ZKSCAN1: variants seen among roughly 807,000 people sequenced by gnomAD.
ZKSCAN1 encodes the protein zinc finger protein with KRAB and SCAN domains 1.
In ZKSCAN1, 14 loss-of-function variants were observed where a neutral mutation model predicts 51.6. That is an observed-to-expected ratio of 0.27 (90% CI 0.18 to 0.42). ZKSCAN1 has a LOEUF of 0.42. Ranked by LOEUF, ZKSCAN1 falls within the 10% of genes least tolerant of loss-of-function variation. The pLI, the probability that ZKSCAN1 is intolerant of heterozygous loss-of-function variation, is 1.00. For missense variants in ZKSCAN1, 531 were observed against 710.0 expected (o/e 0.75, Z 2.86); for synonymous variants, 263 against 261.5 (o/e 1.01, Z -0.06).
Position 100,037,148 on chromosome 7 carries a change from G to A in ZKSCAN1, c.*2951G>A, listed in dbSNP as rs560002894. 1.8e-5 allele frequency: 18 copies of A among 985,318 alleles called. No homozygotes were observed. The African/African-American group carries it at 3.0e-4, about 16-fold the overall frequency. The allele number at this position is 985,318 out of a possible 1,614,324, so 61.0% of individuals were successfully genotyped here. ...GTGTAATTGGGTCATGGTCAAAAAC[G>A]CTTGCAACATCTAATTGGCGTTCAA... is the stretch of plus-strand genomic sequence containing the variant. On this transcript the variant is annotated 3_prime_UTR_variant, in exon 6 of 6. Coordinates refer to ENST00000324306, the MANE Select transcript of ZKSCAN1 (RefSeq NM_003439.4).
At chr7:100,020,394 T>C (rs907971073) in intron 1 of ZKSCAN1, among the ~76,000 whole-genome samples, 8 of 152,052 alleles carry the variant, frequency 5.3e-5, no homozygotes, top group African/African-American at 1.9e-4. Flanking sequence ...CTGGAAAGTA[T>C]TAACTGCAAG....
Position 100,029,855 on chromosome 7 carries a change from C to T in ZKSCAN1, c.581-6C>T. The stretch of plus-strand genomic sequence containing the variant: ...ATTTACTCACAGACCCTTTCTCCTC[C>T]CCCAGCTCTTCCTGCTGCCCACATT... On this transcript the variant is annotated splice_polypyrimidine_tract_variant and splice_region_variant and intron_variant, in intron 3 of 5. Transcript: ENST00000324306. 1 of 1,613,904 alleles carries T rather than the reference C, an allele frequency of 6.2e-7. No homozygotes were observed. The highest frequency in any genetic ancestry group is 1.1e-5 in the South Asian group (1 of 91,052).
In ZKSCAN1 at chr7:100,037,110, T is replaced by C; in HGVS notation, c.*2913T>C. On this transcript the variant is annotated 3_prime_UTR_variant, in exon 6 of 6. Transcript: ENST00000324306. ...ACTTGCAGTGCATTCGTTTATCAGA[T>C]GCTCAGTGCAAAGTGTAATTGGGTC... is the stretch of plus-strand genomic sequence containing the variant. 4.1e-6 allele frequency: 4 copies of C among 985,464 alleles called. No homozygotes were observed. Among genetic ancestry groups the C allele is most frequent in the Non-Finnish European group, 3.6e-6 (3 of 829,934 alleles). 61.0% of individuals were successfully genotyped at this position (985,464 alleles called of 1,614,324 possible).
chr7:100,032,582 C>T (rs182490187), intron 5 of ZKSCAN1, among the ~76,000 whole-genome samples: 43 of 152,274 alleles, frequency 2.8e-4, no homozygotes, highest in East Asian at 5.8e-4. Flanking sequence ...GAAGTCAGGC[C>T]GGGTGCAGTG....
Position 100,033,379 on chromosome 7 carries a change from G to C in ZKSCAN1, c.874G>C (p.Glu292Gln). The change falls in exon 6 of 6, where the codon GAG (glutamate) becomes CAG (glutamine). Residue 292 changes from glutamate to glutamine, a missense_variant. Transcript: ENST00000324306. The surrounding 1 kb of genome is among the most constrained non-coding windows in gnomAD (Gnocchi z 4.1). Reference sequence around the variant, plus strand: ...CTCGGAAGATTCAGCATCACGCGGGGAGACAACAGGAAGATCCCAGAAAGA... The same window carrying C: ...CTCGGAAGATTCAGCATCACGCGGGCAGACAACAGGAAGATCCCAGAAAGA... ...ETSEDSASRG[E>Q]TTGRSQKEFG... The C allele has an allele frequency of 1.9e-6, 3 of 1,614,110 alleles. No homozygotes were observed. In the East Asian group the frequency reaches 6.7e-5, roughly 36 times the overall value.
downstream of ZKSCAN1, among the ~76,000 whole-genome samples, chr7:100,042,937 A>G (rs1791636827): frequency 6.6e-6 from 1 of 151,418 alleles, no homozygotes; most frequent in Non-Finnish European, 1.5e-5. Context: ...AGCTGGGACT[A>G]CAGGCGCCCG....
intron 1 of ZKSCAN1, among the ~76,000 whole-genome samples, chr7:100,019,777 C>T (rs1412791761): frequency 6.6e-6 from 1 of 152,100 alleles, no homozygotes; most frequent in Non-Finnish European, 1.5e-5. Flanking sequence ...TCTCAGCTCA[C>T]TGCAGCCTCC....
chr7:100,031,875 A>G (rs1485906452), intron 5 of ZKSCAN1, among the ~76,000 whole-genome samples: 1 of 152,166 alleles, frequency 6.6e-6, no homozygotes. Flanking sequence ...CCAGGAGTTC[A>G]GGACCAGCAT....
intron 3 of ZKSCAN1, chr7:100,024,859 C>T (rs1271180813): frequency 1.4e-5 from 2 of 140,082 alleles, no homozygotes; most frequent in African/African-American, 5.5e-5. Flanking sequence ...GAGATCGTAC[C>T]ACTGTGCTCT....
At chr7:100,024,818 T>G (rs62484983) in intron 3 of ZKSCAN1, 214 of 151,316 alleles carry the variant, frequency 1.4e-3, no homozygotes, top group Non-Finnish European at 2.4e-3. Flanking sequence ...GAGAATCACT[T>G]GAACCCAGGA....
intron 5 of ZKSCAN1, among the ~76,000 whole-genome samples, chr7:100,031,940 G>A (rs1022262831): frequency 6.6e-6 from 1 of 152,148 alleles, no homozygotes; most frequent in Non-Finnish European, 1.5e-5. Flanking sequence ...TTAGCCAGGC[G>A]GGGTGGTGCA....
At position 100,036,971 on chromosome 7, in the gene ZKSCAN1, T is replaced by C. The variant is rs894927574; in HGVS notation, c.*2774T>C. Reference sequence around the variant, plus strand: ...TTTCATGGAGACATCTTCCTGACTTTGTTGGATAGCTGCCACTAGGGTTGC... The same window carrying C: ...TTTCATGGAGACATCTTCCTGACTTCGTTGGATAGCTGCCACTAGGGTTGC... On this transcript the variant is annotated 3_prime_UTR_variant, in exon 6 of 6. Coordinates refer to ENST00000324306, the MANE Select transcript of ZKSCAN1 (RefSeq NM_003439.4). 131 of 985,270 alleles carry C rather than the reference T, an allele frequency of 1.3e-4. No homozygotes were observed. Among genetic ancestry groups the C allele is most frequent in the Non-Finnish European group, 1.5e-4 (123 of 829,930 alleles). The allele number at this position is 985,270 out of a possible 1,614,324, so 61.0% of individuals were successfully genotyped here.
intron 5 of ZKSCAN1, 111 bp downstream of exon 5, chr7:100,030,486 TC>T: frequency 7.6e-7 from 1 of 1,309,308 alleles, no homozygotes. Context: ...AGACTACCTA[TC>T]CCCTTTTGTA....
At position 100,035,969 on chromosome 7, in the gene ZKSCAN1, G is replaced by A. The variant is rs1334439567; in HGVS notation, c.*1772G>A. 1 of 985,456 alleles carries A rather than the reference G, an allele frequency of 1.0e-6. No homozygotes were observed. Among genetic ancestry groups the A allele is most frequent in the Non-Finnish European group, 1.2e-6 (1 of 829,944 alleles). 61.0% of individuals were successfully genotyped at this position (985,456 alleles called of 1,614,324 possible). ...GAGAACAAACCTCAAGACTATCAGT[G>A]TGACCTCCCCATAACAAGAGAACCC... On this transcript the variant is annotated 3_prime_UTR_variant, in exon 6 of 6. Coordinates refer to ENST00000324306, the MANE Select transcript of ZKSCAN1 (RefSeq NM_003439.4).
Position 100,034,408 on chromosome 7 carries a change from A to T in ZKSCAN1, c.*211A>T, listed in dbSNP as rs1437023024. ...CACACAGCCCCTGCAGGGAAAGGCT[A>T]ATCTTACGGATAATCCACGTGAGAT... is the stretch of plus-strand genomic sequence containing the variant. On this transcript the variant is annotated 3_prime_UTR_variant, in exon 6 of 6. Transcript: ENST00000324306. The T allele has an allele frequency of 7.7e-7, 1 of 1,302,538 alleles. No individual in the cohort carries two copies. Among genetic ancestry groups the T allele is most frequent in the Non-Finnish European group, 9.7e-7 (1 of 1,030,792 alleles). The allele number at this position is 1,302,538 out of a possible 1,614,324, so 80.7% of individuals were successfully genotyped here. A position where few individuals can be genotyped will look rare whatever the true frequency, so the allele number is the denominator to read the frequency against.
At chr7:100,042,337 AAG>A (rs1491436817), downstream of ZKSCAN1, among the ~76,000 whole-genome samples, 14 of 148,412 alleles carry the variant, frequency 9.4e-5, no homozygotes, top group Middle Eastern at 3.4e-3. Flanking sequence ...AAAAAAAAAA[AAG>A]GTGAACTGGG....
chr7:100,038,729 C>G lies in ZKSCAN1; in HGVS notation c.*4532C>G. 1.0e-6 allele frequency: 1 copy of G among 985,534 alleles called. No individual in the cohort carries two copies. The highest frequency in any genetic ancestry group is 5.2e-4 in the Middle Eastern group (1 of 1,916). 61.0% of individuals were successfully genotyped at this position (985,534 alleles called of 1,614,324 possible). A position where few individuals can be genotyped will look rare whatever the true frequency, so the allele number is the denominator to read the frequency against. ...TTGAGGATAAGGCTGGGCACAGTGG[C>G]TCAGGCCTGTAATCCCAGCACTTTG... On this transcript the variant is annotated 3_prime_UTR_variant, in exon 6 of 6. Transcript: ENST00000324306.
At chr7:100,043,635 G>A (rs986845760), downstream of ZKSCAN1, among the ~76,000 whole-genome samples, 1 of 151,706 alleles carries the variant, frequency 6.6e-6, no homozygotes, top group African/African-American at 2.4e-5. Context: ...TCAGCTTCCC[G>A]AAGTGCTGGG....
In ZKSCAN1 at chr7:100,033,717, C is replaced by G. The variant is rs1322006231; in HGVS notation, c.1212C>G (p.Pro404=). The G allele has an allele frequency of 6.2e-7, 1 of 1,614,210 alleles. No homozygotes were observed. The highest frequency in any genetic ancestry group is 1.7e-5 in the Admixed American group (1 of 60,016). Residue 404 remains proline (P), a synonymous_variant, in exon 6 of 6, where the codon CCC becomes CCG. Transcript: ENST00000324306. The surrounding 1 kb of genome is among the most constrained non-coding windows in gnomAD (Gnocchi z 4.1). ...AAATAATCCACACTGGAGAAAAGCCCTATGAATGTAGTGAGTGTGGGAAAG... is the reference window on the plus strand; with the variant it reads ...AAATAATCCACACTGGAGAAAAGCCGTATGAATGTAGTGAGTGTGGGAAAG... ...RHKIIHTGEK[P]YECSECGKAF... is the part of the protein sequence containing the mutation.
Sources: allele counts gnomAD v4.1 joint callset (sites outside exome capture counted in the v4.1 genomes callset), GRCh38; gene constraint gnomAD v4.1.1; non-coding constraint Gnocchi (gnomAD v3.1); transcripts MANE v1.5; gene names NCBI Gene and HGNC (gene_info 2026-07-23, HGNC 2026-07-21).